Variants in RBFOX1 observed in about 807,000 individuals in gnomAD.
The protein encoded by RBFOX1 is RNA binding protein fox-1 homolog 1.
RBFOX1 carries 8 observed loss-of-function variants against 57.7 expected under a neutral mutation model. The ratio of observed to expected loss-of-function variants is 0.14; its 90% confidence interval spans 0.08 to 0.25. RBFOX1 has a LOEUF of 0.25. Among genes scored for constraint, RBFOX1 ranks in the 10% least tolerant of loss-of-function variants. The pLI is 1.00. For missense variants in RBFOX1, 611 were observed against 548.5 expected (o/e 1.11, Z -1.14); for synonymous variants, 326 against 222.4 (o/e 1.47, Z -4.15).
chr16:6,961,604 T>C (rs2083031381), intron 3 of RBFOX1, among the ~76,000 whole-genome samples: 1 of 152,152 alleles, frequency 6.6e-6, no homozygotes, highest in African/African-American at 2.4e-5. Context: ...GGGCTGCTGA[T>C]TGGCTACTAT....
At chr16:7,150,923 A>G (rs548217615) in intron 4 of RBFOX1, among the ~76,000 whole-genome samples, 2 of 152,336 alleles carry the variant, frequency 1.3e-5, no homozygotes, top group East Asian at 3.9e-4. Flanking sequence ...AGGTGTTCCC[A>G]TTAGAAACCT....
intron 4 of RBFOX1, among the ~76,000 whole-genome samples, chr16:7,313,439 C>T (rs1312748306): frequency 1.3e-5 from 2 of 149,580 alleles, no homozygotes; most frequent in African/African-American, 2.5e-5. Flanking sequence ...TTTTTCCTTT[C>T]TTTCTTCTTT....
intron 3 of RBFOX1, among the ~76,000 whole-genome samples, chr16:6,984,950 C>G (rs192272365): frequency 1.3e-5 from 2 of 152,196 alleles, no homozygotes; most frequent in South Asian, 2.1e-4. Flanking sequence ...ACCTTCTTTA[C>G]TTACAAATCT....
At chr16:7,046,003 T>G (rs2047806101) in intron 3 of RBFOX1, among the ~76,000 whole-genome samples, 1 of 152,202 alleles carries the variant, frequency 6.6e-6, no homozygotes, top group South Asian at 2.1e-4. Context: ...CTATCACTAT[T>G]ACTATACATT....
chr16:5,760,540 G>C (rs3915393), intron 3 of RBFOX1, among the ~76,000 whole-genome samples: 2 of 152,062 alleles, frequency 1.3e-5, no homozygotes, highest in Non-Finnish European at 2.9e-5. Context: ...TAAACAAATC[G>C]TGGTGTATCC....
At chr16:7,179,617 T>G (rs1278611643) in intron 4 of RBFOX1, among the ~76,000 whole-genome samples, 11 of 152,174 alleles carry the variant, frequency 7.2e-5, no homozygotes, top group African/African-American at 2.7e-4. Flanking sequence ...TATATTAAAT[T>G]AGGAAGCTGA....
intron 2 of RBFOX1, among the ~76,000 whole-genome samples, chr16:6,464,738 A>G (rs767239184): frequency 2.9e-4 from 44 of 152,230 alleles, no homozygotes; most frequent in Non-Finnish European, 5.7e-4. Context: ...TGGATTACGG[A>G]TCATATGCAA....
intron 4 of RBFOX1, among the ~76,000 whole-genome samples, chr16:7,426,279 C>G (rs373979997): frequency 1.3e-5 from 2 of 152,098 alleles, no homozygotes; most frequent in Admixed American, 6.6e-5. Context: ...ATCGTCTCCC[C>G]GCTTAATCCT....
chr16:7,139,200 G>A (rs1482379369), intron 4 of RBFOX1, among the ~76,000 whole-genome samples: 1 of 151,716 alleles, frequency 6.6e-6, no homozygotes. Flanking sequence ...GTGTGTGTAT[G>A]TGTGTGTGTT....
intron 1 of RBFOX1, chr16:5,289,326 T>C: frequency 2.5e-6 from 1 of 406,850 alleles, no homozygotes. Flanking sequence ...CAGGAGCAGG[T>C]TCCACTGGCA....
At chr16:7,420,768 CT>C (rs1013074689) in intron 4 of RBFOX1, among the ~76,000 whole-genome samples, 30 of 147,142 alleles carry the variant, frequency 2.0e-4, no homozygotes, top group Non-Finnish European at 2.6e-4. Flanking sequence ...TTATATTGAT[CT>C]TTTTTTTTTC....
intron 2 of RBFOX1, among the ~76,000 whole-genome samples, chr16:6,518,979 A>C (rs752736114): frequency 1.1e-4 from 16 of 151,990 alleles, no homozygotes; most frequent in Non-Finnish European, 2.1e-4. Flanking sequence ...GGGGCCAGAA[A>C]ATAAAGGGGG....
chr16:6,738,996 G>C (rs1477080405), intron 3 of RBFOX1, among the ~76,000 whole-genome samples: 1 of 152,124 alleles, frequency 6.6e-6, no homozygotes, highest in African/African-American at 2.4e-5. Context: ...GCAGTCATTA[G>C]AGGGAAATGT....
chr16:7,557,793 G>C (rs1219725671), intron 5 of RBFOX1, among the ~76,000 whole-genome samples: 2 of 152,058 alleles, frequency 1.3e-5, no homozygotes, highest in South Asian at 2.1e-4. Flanking sequence ...GGTGGGGGAA[G>C]GAGCGGGAGA....
At chr16:5,343,673 G>A (rs942448673) in intron 1 of RBFOX1, among the ~76,000 whole-genome samples, 3 of 152,106 alleles carry the variant, frequency 2.0e-5, no homozygotes, top group Admixed American at 6.5e-5. Context: ...CCTCTGATAC[G>A]AATACAATAT....
intron 3 of RBFOX1, among the ~76,000 whole-genome samples, chr16:6,863,589 G>C (rs1398777421): frequency 1.3e-5 from 2 of 148,624 alleles, no homozygotes; most frequent in Non-Finnish European, 1.5e-5. Flanking sequence ...ATCTGTTCCT[G>C]GACGCCATTT....
chr16:7,311,472 CCTTTT>C (rs1175924401), intron 4 of RBFOX1, among the ~76,000 whole-genome samples: 1 of 101,102 alleles, frequency 9.9e-6, no homozygotes, highest in Non-Finnish European at 1.9e-5. Flanking sequence ...TCTTGATGAG[CCTTTT>C]CTTTTTTTTT....
At chr16:7,277,775 A>G (rs745939874) in intron 4 of RBFOX1, among the ~76,000 whole-genome samples, 1 of 152,194 alleles carries the variant, frequency 6.6e-6, no homozygotes, top group Non-Finnish European at 1.5e-5. Context: ...TTAGTCCAGT[A>G]TAGAAAACAG....
intron 3 of RBFOX1, among the ~76,000 whole-genome samples, chr16:6,994,214 C>G (rs188663219): frequency 1.4e-4 from 21 of 152,268 alleles, no homozygotes; most frequent in Non-Finnish European, 2.6e-4. Flanking sequence ...GAGGAAAACA[C>G]TGCAGTAGTA....
Sources: gnomAD v4.1 joint callset for allele counts (sites outside exome capture counted in the v4.1 genomes callset) on GRCh38, gnomAD v4.1.1 for gene constraint, MANE v1.5 for transcripts, NCBI Gene and HGNC (gene_info 2026-07-23, HGNC 2026-07-21) for gene names.